The following GNRHR variants were observed in gnomAD, a reference collection of about 807,000 sequenced individuals.
GNRHR encodes gonadotropin-releasing hormone receptor.
GNRHR carries 14 observed loss-of-function variants against 28.1 expected under a neutral mutation model. The observed-to-expected ratio is 0.50, with a 90% CI of 0.33 to 0.78. GNRHR has a LOEUF of 0.78. Among genes scored for constraint, GNRHR ranks in the 30% least tolerant of loss-of-function variants. GNRHR has a pLI of 0.02. For missense variants in GNRHR, 366 were observed against 382.1 expected (o/e 0.96, Z 0.35); for synonymous variants, 141 against 140.5 (o/e 1.00, Z -0.02).
Position 67,740,503 on chromosome 4 carries a change from T to C in GNRHR, c.964A>G (p.Ile322Val). ...AATCACAGAGAAAAATATCCATAGATAAGTGGATCAAAGCATGGGTTTAAA... is the reference window on the plus strand; with the variant it reads ...AATCACAGAGAAAAATATCCATAGACAAGTGGATCAAAGCATGGGTTTAAA... ...AFLNPCFDPL[I>V]YGYFSL The change falls in exon 3 of 3, where the codon ATC becomes GTC. Residue 322 changes from isoleucine (I) to valine (V), a missense_variant. Ile to Val is a conservative substitution (Grantham distance 29). Transcript: ENST00000226413. 6.2e-7 allele frequency: 1 copy of C among 1,605,454 alleles called. No homozygotes were observed. Among genetic ancestry groups the C allele is most frequent in the Non-Finnish European group, 8.5e-7 (1 of 1,172,208 alleles).
At chr4:67,742,951 A>G (rs1731685985) in intron 2 of GNRHR, among the ~76,000 whole-genome samples, 1 of 150,066 alleles carries the variant, frequency 6.7e-6, no homozygotes, top group African/African-American at 2.4e-5. Flanking sequence ...TGCTCTTTTC[A>G]CATACTATTC....
intron 1 of GNRHR, 57 bp from the exon 2 acceptor site, chr4:67,744,844 T>C: frequency 1.0e-6 from 1 of 999,608 alleles, no homozygotes. Context: ...TTGAAAGTTT[T>C]CTCTTTGGTA....
intron 1 of GNRHR, among the ~76,000 whole-genome samples, chr4:67,746,568 G>A (rs1037753451): frequency 4.6e-5 from 7 of 151,848 alleles, no homozygotes; most frequent in Non-Finnish European, 7.4e-5. Context: ...TAAATTGATA[G>A]CAAGTAAATT....
chr4:67,746,077 A>ATCAC (rs1161514306), intron 1 of GNRHR, among the ~76,000 whole-genome samples: 1 of 152,128 alleles, frequency 6.6e-6, no homozygotes, highest in Non-Finnish European at 1.5e-5. Context: ...TATAAATTAA[A>ATCAC]TAGTGGTATT....
At chr4:67,748,452 T>G (rs1330928318) in intron 1 of GNRHR, among the ~76,000 whole-genome samples, 1 of 152,102 alleles carries the variant, frequency 6.6e-6, no homozygotes, top group Non-Finnish European at 1.5e-5. Flanking sequence ...TATGCGTTTA[T>G]ATGTTTATAA....
chr4:67,749,585 G>A (rs1326783690), intron 1 of GNRHR, among the ~76,000 whole-genome samples: 1 of 151,882 alleles, frequency 6.6e-6, no homozygotes, highest in Non-Finnish European at 1.5e-5. Flanking sequence ...CTATCCCAGG[G>A]TGTTTGCTGC....
intron 1 of GNRHR, 115 bp from the exon 2 acceptor site, chr4:67,744,902 T>C (rs866779269): frequency 7.6e-6 from 5 of 657,438 alleles, no homozygotes; most frequent in Non-Finnish European, 1.4e-5. Context: ...CTAAGCTCCT[T>C]AGTGTTATAC....
intron 1 of GNRHR, chr4:67,753,569 A>G: frequency 1.9e-6 from 1 of 525,116 alleles, no homozygotes; most frequent in South Asian, 2.5e-5. Flanking sequence ...TATTCATCAC[A>G]AAAGCAGTAT....
chr4:67,748,930 T>C (rs1336125463), intron 1 of GNRHR, among the ~76,000 whole-genome samples: 2 of 152,090 alleles, frequency 1.3e-5, no homozygotes, highest in South Asian at 2.1e-4. Flanking sequence ...GTGCATAATT[T>C]ATGTGATTGT....
At chr4:67,751,000 T>C (rs1021560277) in intron 1 of GNRHR, among the ~76,000 whole-genome samples, 2 of 152,036 alleles carry the variant, frequency 1.3e-5, no homozygotes, top group Non-Finnish European at 1.5e-5. Context: ...AAGAGAGCCA[T>C]AATAAAAGGA....
intron 1 of GNRHR, chr4:67,747,295 G>GT (rs1306636909): frequency 1.9e-5 from 3 of 155,740 alleles, no homozygotes; most frequent in African/African-American, 7.2e-5. Context: ...CCAAGCGTAG[G>GT]TAGTATGCTA....
At chr4:67,749,815 T>G (rs1312501110) in intron 1 of GNRHR, among the ~76,000 whole-genome samples, 1 of 152,128 alleles carries the variant, frequency 6.6e-6, no homozygotes, top group African/African-American at 2.4e-5. Flanking sequence ...TATGATAGCT[T>G]TGTGACCAGG....
chr4:67,749,698 CCTTCCTTCT>C (rs1731832418), intron 1 of GNRHR, among the ~76,000 whole-genome samples: 1 of 144,958 alleles, frequency 6.9e-6, no homozygotes, highest in East Asian at 2.6e-4. Context: ...TTCCTTCGTT[CCTTCCTTCT>C]TTCCTTCCTT....
intron 1 of GNRHR, among the ~76,000 whole-genome samples, chr4:67,750,014 A>G (rs1041406250): frequency 6.6e-6 from 1 of 152,168 alleles, no homozygotes; most frequent in African/African-American, 2.4e-5. Context: ...TGGTCTTAGG[A>G]AGAAAGGAAA....
chr4:67,746,404 G>A (rs1043482210), intron 1 of GNRHR, among the ~76,000 whole-genome samples: 20 of 151,922 alleles, frequency 1.3e-4, no homozygotes, highest in African/African-American at 4.1e-4. Context: ...AATGTTGCAA[G>A]TAATTTTCAA....
intron 1 of GNRHR, among the ~76,000 whole-genome samples, chr4:67,751,392 T>C (rs1731863277): frequency 6.6e-6 from 1 of 152,222 alleles, no homozygotes. Context: ...TGTGAGGTTA[T>C]TCAGGAAACT....
chr4:67,753,525 C>A, intron 1 of GNRHR: 1 of 378,594 alleles, frequency 2.6e-6, no homozygotes, highest in Non-Finnish European at 4.8e-6. Context: ...GCATTTGCTA[C>A]ATAATAGAGA....
At chr4:67,745,431 A>G (rs1731737441) in intron 1 of GNRHR, among the ~76,000 whole-genome samples, 1 of 152,130 alleles carries the variant, frequency 6.6e-6, no homozygotes, top group Admixed American at 6.6e-5. Context: ...ATGAGCCCAT[A>G]CTTATAAAAA....
At position 67,738,929 on chromosome 4, in the gene GNRHR, T is replaced by C. The variant is rs1560515867; in HGVS notation, c.*1551A>G. Among the ~76,000 whole-genome samples, 1 of 151,850 alleles carries C rather than the reference T, an allele frequency of 6.6e-6. No individual in the cohort carries two copies. Among genetic ancestry groups the C allele is most frequent in the African/African-American group, 2.4e-5 (1 of 41,380 alleles). On this transcript the variant is annotated 3_prime_UTR_variant, in exon 3 of 3. Transcript: ENST00000226413. ...TGAAAAAAACAACAACACAACACTA[T>C]AAAACTGAAGTATGAGAGGAGAAAA...
Sources: gnomAD v4.1 joint callset for allele counts (sites outside exome capture counted in the v4.1 genomes callset) on GRCh38, gnomAD v4.1.1 for gene constraint, MANE v1.5 for transcripts, NCBI Gene and HGNC (gene_info 2026-07-23, HGNC 2026-07-21) for gene names.